CRIM1: variants seen among roughly 807,000 people sequenced by gnomAD.
The protein encoded by CRIM1 is cysteine-rich motor neuron 1 protein.
In CRIM1, 32 loss-of-function variants were observed where a neutral mutation model predicts 116.4. That is an observed-to-expected ratio of 0.27 (90% confidence interval 0.21 to 0.37). The LOEUF (loss-of-function observed/expected upper bound fraction) is 0.37. Ranked by LOEUF, CRIM1 falls within the 10% of genes least tolerant of loss-of-function variation. CRIM1 has a pLI of 1.00. For synonymous variants in CRIM1, 590 were observed against 509.2 expected, an observed-to-expected ratio of 1.16 and a Z score of -2.13; for missense variants, 1,331 against 1,354.8, an observed-to-expected ratio of 0.98 and a Z score of 0.28.
chr2:36,506,808 C>G (rs1046176653), intron 8 of CRIM1, among the ~76,000 whole-genome samples: 28 of 151,976 alleles, frequency 1.8e-4, no homozygotes, highest in African/African-American at 6.5e-4. Context: ...ACATATAAAC[C>G]CCTACCCTTC....
At chr2:36,437,771 C>G (rs1282258620) in intron 2 of CRIM1, among the ~76,000 whole-genome samples, 1 of 152,176 alleles carries the variant, frequency 6.6e-6, no homozygotes, top group Non-Finnish European at 1.5e-5. Context: ...AAATCCATCT[C>G]TTCAGGCTCG....
intron 15 of CRIM1, among the ~76,000 whole-genome samples, 185 bp downstream of exon 15, chr2:36,544,683 G>C (rs1387859050): frequency 6.6e-6 from 1 of 152,212 alleles, no homozygotes; most frequent in Non-Finnish European, 1.5e-5. Flanking sequence ...AAATAAGTCA[G>C]CAGGTAACTG....
chr2:36,391,647 T>C (rs1417154248), intron 1 of CRIM1, among the ~76,000 whole-genome samples: 4 of 152,228 alleles, frequency 2.6e-5, no homozygotes, highest in Admixed American at 6.5e-5. Flanking sequence ...CAGGACATGC[T>C]CTTTAGAACA....
chr2:36,363,539 C>CG (rs2148283739), intron 1 of CRIM1, among the ~76,000 whole-genome samples: 1 of 144,828 alleles, frequency 6.9e-6, no homozygotes, highest in African/African-American at 2.5e-5. Context: ...GCCCCCCCCC[C>CG]CCATGACTAT....
chr2:36,462,929 T>A (rs189187648), intron 4 of CRIM1, among the ~76,000 whole-genome samples: 4 of 152,310 alleles, frequency 2.6e-5, no homozygotes, highest in Non-Finnish European at 5.9e-5. Context: ...TCACATTTAC[T>A]CAGCGCTAGA....
intron 13 of CRIM1, among the ~76,000 whole-genome samples, chr2:36,528,571 A>G (rs1665910193): frequency 6.6e-6 from 1 of 152,264 alleles, no homozygotes; most frequent in Admixed American, 6.5e-5. Flanking sequence ...GGAACAGAGT[A>G]CGTGGCATTT....
At chr2:36,547,278 T>G (rs1667422040) in intron 16 of CRIM1, 107 bp downstream of exon 16, 1 of 866,198 alleles carries the variant, frequency 1.2e-6, no homozygotes, top group Non-Finnish European at 1.9e-6. Flanking sequence ...GTTTTTACTT[T>G]GCTCTTCATA....
intron 4 of CRIM1, among the ~76,000 whole-genome samples, chr2:36,452,693 T>TA (rs398104191): frequency 6.6e-6 from 1 of 152,026 alleles, no homozygotes; most frequent in Non-Finnish European, 1.5e-5. Context: ...AGGCTTTTTT[T>TA]ATCTCACCTT....
chr2:36,455,002 G>A (rs1032578343), intron 4 of CRIM1, among the ~76,000 whole-genome samples: 2 of 152,166 alleles, frequency 1.3e-5, no homozygotes. Context: ...TTGTTAAAGA[G>A]GTACAGTCAG....
At chr2:36,489,601 T>C (rs1219413745) in intron 7 of CRIM1, among the ~76,000 whole-genome samples, 1 of 152,224 alleles carries the variant, frequency 6.6e-6, no homozygotes, top group African/African-American at 2.4e-5. Context: ...TGGTTGAATT[T>C]TCTCTTACTG....
intron 8 of CRIM1, among the ~76,000 whole-genome samples, chr2:36,506,288 A>G (rs912797685): frequency 6.6e-6 from 1 of 151,996 alleles, no homozygotes; most frequent in African/African-American, 2.4e-5. Flanking sequence ...GTACCCAGAG[A>G]AAACCCACAC....
intron 2 of CRIM1, among the ~76,000 whole-genome samples, chr2:36,399,690 G>A (rs1008825393): frequency 6.6e-6 from 1 of 152,230 alleles, no homozygotes; most frequent in Non-Finnish European, 1.5e-5. Context: ...ATCATGACCG[G>A]AATGATTTAG....
intron 7 of CRIM1, among the ~76,000 whole-genome samples, chr2:36,492,946 A>C (rs1249552885): frequency 1.3e-5 from 2 of 152,226 alleles, no homozygotes; most frequent in African/African-American, 4.8e-5. Flanking sequence ...TGTCTCTCAT[A>C]ATCAAATAAG....
intron 6 of CRIM1, among the ~76,000 whole-genome samples, chr2:36,477,608 C>T (rs760132704): frequency 3.9e-5 from 6 of 152,190 alleles, no homozygotes; most frequent in Non-Finnish European, 8.8e-5. Context: ...TATCAGGTCA[C>T]CACCTGGTGA....
chr2:36,420,596 A>G (rs1477922908), intron 2 of CRIM1, among the ~76,000 whole-genome samples: 1 of 152,182 alleles, frequency 6.6e-6, no homozygotes, highest in Non-Finnish European at 1.5e-5. Context: ...GTTCTTCCAT[A>G]GCACCTGTGC....
chr2:36,375,263 C>T (rs1388242481), intron 1 of CRIM1, among the ~76,000 whole-genome samples: 1 of 152,060 alleles, frequency 6.6e-6, no homozygotes, highest in Non-Finnish European at 1.5e-5. Context: ...CGAAAAAAAA[C>T]TTCGGATCAT....
At chr2:36,359,243 A>G (rs1669060998) in intron 1 of CRIM1, among the ~76,000 whole-genome samples, 1 of 151,878 alleles carries the variant, frequency 6.6e-6, no homozygotes, top group Non-Finnish European at 1.5e-5. Context: ...GTTAATGAAA[A>G]CTCTTGAAAA....
At chr2:36,507,636 A>C (rs1681525204) in intron 8 of CRIM1, among the ~76,000 whole-genome samples, 1 of 152,270 alleles carries the variant, frequency 6.6e-6, no homozygotes, top group Non-Finnish European at 1.5e-5. Flanking sequence ...AGGCATAGCC[A>C]GTCTCCTTCT....
chr2:36,518,045 GC>G (rs1404412719), intron 12 of CRIM1, among the ~76,000 whole-genome samples: 1 of 152,188 alleles, frequency 6.6e-6, no homozygotes, highest in African/African-American at 2.4e-5. Flanking sequence ...GTAAGTTAAT[GC>G]CAAAAAGCAT....
Sources: gnomAD v4.1 joint callset for allele counts (sites outside exome capture counted in the v4.1 genomes callset) on GRCh38, gnomAD v4.1.1 for gene constraint, MANE v1.5 for transcripts, NCBI Gene and HGNC (gene_info 2026-07-23, HGNC 2026-07-21) for gene names.